Variants in ERO1A observed in about 807,000 individuals in gnomAD.
The protein encoded by ERO1A is ERO1-like protein alpha.
A neutral mutation model predicts 76.9 loss-of-function variants in ERO1A; 49 were observed. The observed-to-expected ratio is 0.64, with a 90% CI of 0.51 to 0.81. The LOEUF (loss-of-function observed/expected upper bound fraction) is 0.81. ERO1A is among the 30% of genes least tolerant of loss of function. ERO1A has a pLI of 0.00. For synonymous variants in ERO1A, 174 were observed against 181.2 expected (o/e 0.96, Z 0.32); for missense variants, 448 against 542.1 (o/e 0.83, Z 1.72).
intron 7 of ERO1A, 135 bp downstream of exon 7, chr14:52,666,240 T>G (rs1309662787): frequency 1.6e-5 from 11 of 677,580 alleles, no homozygotes; most frequent in Non-Finnish European, 2.4e-5. Flanking sequence ...GATTAATGAA[T>G]AGTCATGTTT....
At chr14:52,683,978 T>C in intron 1 of ERO1A, 71 bp from the exon 2 acceptor site, 3 of 1,264,134 alleles carry the variant, frequency 2.4e-6, no homozygotes, top group East Asian at 2.5e-5. Context: ...CCTCACATGG[T>C]TGTTAGGAAA....
intron 4 of ERO1A, chr14:52,672,381 A>G (rs1372526129): frequency 6.6e-6 from 1 of 152,266 alleles, no homozygotes; most frequent in Non-Finnish European, 1.5e-5. Context: ...CACAAGTTCT[A>G]TTCTTTTGCC....
intron 4 of ERO1A, among the ~76,000 whole-genome samples, chr14:52,672,843 A>G (rs981927740): frequency 6.6e-6 from 1 of 151,860 alleles, no homozygotes; most frequent in Non-Finnish European, 1.5e-5. Context: ...ATACTATGAA[A>G]TTGTAATCCT....
At chr14:52,654,916 A>G (rs754160112) in intron 11 of ERO1A, among the ~76,000 whole-genome samples, 2 of 152,164 alleles carry the variant, frequency 1.3e-5, no homozygotes, top group Non-Finnish European at 2.9e-5. Flanking sequence ...GAAAGTTGGT[A>G]TTTATTTAAT....
rs1374211658 is a variant in ERO1A, at chr14:52,641,792, T to C, written c.*1778A>G. The C allele has an allele frequency of 6.6e-6, 1 of 152,126 alleles. No individual in the cohort carries two copies. Among genetic ancestry groups the C allele is most frequent in the East Asian group, 1.9e-4 (1 of 5,190 alleles). The allele number at this position is 152,126 out of a possible 1,614,324, so 9.4% of individuals were successfully genotyped here. A position where few individuals can be genotyped will look rare whatever the true frequency, so the allele number is the denominator to read the frequency against. The stretch of plus-strand genomic sequence containing the variant: ...GTTTAATGTCTTTCCTTTCCTGCCT[T>C]AGAGAAAAAGGAAGTGACAGAGAAA... On this transcript the variant is annotated 3_prime_UTR_variant, in exon 16 of 16. Coordinates refer to ENST00000395686, the MANE Select transcript of ERO1A (RefSeq NM_014584.3).
rs747291129 is a variant in ERO1A at position 52,695,511 on chromosome 14, T to C, written c.-30A>G. On this transcript the variant is annotated 5_prime_UTR_variant, in exon 1 of 16. Coordinates refer to ENST00000395686, the MANE Select transcript of ERO1A (RefSeq NM_014584.3). ...GCTCCGGCAGCTTGTCGCCCCACGCTTGGGAGGCCAGTCCGCACGCTCGGT... is the reference window on the plus strand; with the variant it reads ...GCTCCGGCAGCTTGTCGCCCCACGCCTGGGAGGCCAGTCCGCACGCTCGGT... The C allele has an allele frequency of 3.7e-5, 53 of 1,442,180 alleles. No individual in the cohort carries two copies. Among genetic ancestry groups the C allele is most frequent in the Admixed American group, 3.0e-4 (13 of 43,554 alleles). 89.3% of individuals were successfully genotyped at this position (1,442,180 alleles called of 1,614,324 possible).
chr14:52,671,986 T>C, intron 4 of ERO1A, 115 bp from the exon 5 acceptor site: 1 of 763,530 alleles, frequency 1.3e-6, no homozygotes, highest in Non-Finnish European at 2.1e-6. Context: ...AATATGTTCT[T>C]ATTGCTTTTA....
chr14:52,692,599 C>G (rs965301793), intron 1 of ERO1A, among the ~76,000 whole-genome samples: 15 of 152,290 alleles, frequency 9.8e-5, no homozygotes, highest in African/African-American at 3.4e-4. Flanking sequence ...AACTTAGTTT[C>G]TAGCAATATT....
At chr14:52,674,660 T>C (rs2040721565) in intron 4 of ERO1A, among the ~76,000 whole-genome samples, 2 of 152,238 alleles carry the variant, frequency 1.3e-5, no homozygotes, top group Non-Finnish European at 2.9e-5. Flanking sequence ...GAATTAAAAA[T>C]GAGCAAAATT....
At chr14:52,668,316 C>T (rs571415728) in intron 6 of ERO1A, among the ~76,000 whole-genome samples, 7 of 152,182 alleles carry the variant, frequency 4.6e-5, no homozygotes, top group East Asian at 1.9e-4. Flanking sequence ...GAGGCTGAGG[C>T]GGGTGGATCA....
At chr14:52,668,389 T>C (rs970298200) in intron 6 of ERO1A, among the ~76,000 whole-genome samples, 3 of 151,546 alleles carry the variant, frequency 2.0e-5, no homozygotes, top group Non-Finnish European at 2.9e-5. Context: ...CTACTAAAAA[T>C]ACAAAATTAG....
chr14:52,685,640 G>T lies in ERO1A; in HGVS notation c.115-1733C>A, dbSNP rs1011283826. The stretch of plus-strand genomic sequence containing the variant: ...ACAAAAAGAAACACATGAAAAACTT[G>T]AGAGCAAGTTTCAAGGCATCCATTC... On this transcript the variant is annotated intron_variant, in intron 1 of 15. Transcript: ENST00000395686. 3.3e-5 allele frequency among the ~76,000 whole-genome samples: 5 copies of T among 152,240 alleles called. No individual in the cohort carries two copies. In the South Asian group the frequency reaches 8.3e-4, roughly 25 times the overall value.
At chr14:52,694,724 A>C (rs2139809356) in intron 1 of ERO1A, among the ~76,000 whole-genome samples, 1 of 152,266 alleles carries the variant, frequency 6.6e-6, no homozygotes, top group Admixed American at 6.5e-5. Context: ...AAACTTGTGC[A>C]CTGAAGAATA....
At chr14:52,663,946 C>T in intron 7 of ERO1A, 99 bp from the exon 8 acceptor site, 1 of 669,902 alleles carries the variant, frequency 1.5e-6, no homozygotes, top group Admixed American at 3.0e-5. Context: ...TATCCAAAAT[C>T]AAATTGTTTT....
rs528131155 is a variant in ERO1A at position 52,642,893 on chromosome 14, C to G, written c.*677G>C. The G allele has an allele frequency of 6.6e-6, 1 of 152,506 alleles. No individual in the cohort carries two copies. The highest frequency in any genetic ancestry group is 2.4e-5 in the African/African-American group (1 of 41,412). 9.4% of individuals were successfully genotyped at this position (152,506 alleles called of 1,614,324 possible). ...TGAGTTGTTATTGTACGTTTCTACA[C>G]ACAAAAACAACCCAATCAAAATAGC... On this transcript the variant is annotated 3_prime_UTR_variant, in exon 16 of 16. Coordinates refer to ENST00000395686, the MANE Select transcript of ERO1A (RefSeq NM_014584.3).
intron 1 of ERO1A, among the ~76,000 whole-genome samples, chr14:52,692,436 G>A (rs935312416): frequency 1.2e-4 from 19 of 152,072 alleles, no homozygotes; most frequent in African/African-American, 4.6e-4. Flanking sequence ...GGTAACCCAA[G>A]GCAGATGTGG....
At chr14:52,660,600 T>C (rs1049406836) in intron 9 of ERO1A, among the ~76,000 whole-genome samples, 2 of 152,180 alleles carry the variant, frequency 1.3e-5, no homozygotes, top group Non-Finnish European at 2.9e-5. Flanking sequence ...TATCAGACTT[T>C]AGTATTCTGT....
At chr14:52,677,431 T>C (rs2040823965) in intron 4 of ERO1A, among the ~76,000 whole-genome samples, 1 of 152,144 alleles carries the variant, frequency 6.6e-6, no homozygotes, top group African/African-American at 2.4e-5. Context: ...TGACTAGTAC[T>C]ACTCAAAAAC....
In ERO1A at chr14:52,657,974, TAA is replaced by T; in HGVS notation, c.749_750del (p.Leu250HisfsTer9). The T allele has an allele frequency of 6.2e-7, 1 of 1,612,456 alleles. No individual in the cohort carries two copies. Among genetic ancestry groups the T allele is most frequent in the Non-Finnish European group, 8.5e-7 (1 of 1,179,340 alleles). On this transcript the variant is annotated frameshift_variant, in exon 11 of 16. Coordinates refer to ENST00000395686, the MANE Select transcript of ERO1A (RefSeq NM_014584.3). LOFTEE classifies it high-confidence loss of function. Reference protein sequence around the residue: ...LCVEKRAFYRLISGLHASINV... With the variant: ...LCVEKRAFYRXISGLHASINV... Reference sequence around the variant, plus strand: ...TTAATGCTTGCATGTAGGCCAGATATAAGTCTGTAGAATGCTCTTTTTTCTAC... The same window carrying T: ...TTAATGCTTGCATGTAGGCCAGATATGTCTGTAGAATGCTCTTTTTTCTAC...
Sources: gnomAD v4.1 joint callset for allele counts (sites outside exome capture counted in the v4.1 genomes callset) on GRCh38, gnomAD v4.1.1 for gene constraint, MANE v1.5 for transcripts, NCBI Gene and HGNC (gene_info 2026-07-23, HGNC 2026-07-21) for gene names.